The following CACNA2D1 variants were observed in gnomAD, a reference collection of about 807,000 sequenced individuals.
CACNA2D1 encodes voltage-dependent calcium channel subunit alpha-2/delta-1.
In CACNA2D1, 53 loss-of-function variants were observed where a neutral mutation model predicts 171.5. That is an observed-to-expected ratio of 0.31 (90% confidence interval 0.25 to 0.39). The LOEUF is 0.39. CACNA2D1 is among the 10% of genes least tolerant of loss of function. The pLI is 1.00. For synonymous variants in CACNA2D1, 442 were observed against 443.1 expected, an observed-to-expected ratio of 1.00 and a Z score of 0.03; for missense variants, 903 against 1,299.8, an observed-to-expected ratio of 0.69 and a Z score of 4.69.
rs574003388 is a variant in CACNA2D1 at position 82,147,033 on chromosome 7, C to A, written c.355-10357G>T. Among the ~76,000 whole-genome samples the A allele has an allele frequency of 4.7e-3, 414 of 87,906 alleles. 3 individuals carry two copies. Among genetic ancestry groups the A allele is most frequent in the Non-Finnish European group, 6.8e-3 (290 of 42,952 alleles). The allele number at this position is 87,906 out of a possible 152,430, so 57.7% of individuals were successfully genotyped here. On this transcript the variant is annotated intron_variant, in intron 4 of 38. Transcript: ENST00000356860. ...AAAAAAAAAGCAGCTATTAGAAATT[C>A]TAATAAAATAACAAGTACACACACA...
At chr7:82,118,768 T>C (rs1789376089) in intron 5 of CACNA2D1, among the ~76,000 whole-genome samples, 1 of 152,056 alleles carries the variant, frequency 6.6e-6, no homozygotes, top group Non-Finnish European at 1.5e-5. Flanking sequence ...TTTAAAATAA[T>C]AACGTACTTC....
At position 82,017,589 on chromosome 7, in the gene CACNA2D1, T is replaced by A. The variant is rs11975732; in HGVS notation, c.1144-3110A>T. Among the ~76,000 whole-genome samples, 555 of 151,482 alleles carry A rather than the reference T, an allele frequency of 3.7e-3. 5 individuals are homozygous for A. The highest frequency in any genetic ancestry group is 0.013 in the African/African-American group (529 of 41,068). On this transcript the variant is annotated intron_variant, in intron 12 of 38. Transcript: ENST00000356860. The stretch of plus-strand genomic sequence containing the variant: ...AGATGCTAAAGTCCACAGAGATGAT[T>A]GATACCCTGCTTCTTCAGATGTTTT...
chr7:82,162,948 C>T (rs1795095245), intron 4 of CACNA2D1, among the ~76,000 whole-genome samples: 1 of 152,020 alleles, frequency 6.6e-6, no homozygotes, highest in East Asian at 1.9e-4. Flanking sequence ...ACTGTAGTGT[C>T]AGCCCTTTAG....
chr7:82,285,235 C>T (rs571301306), intron 3 of CACNA2D1, among the ~76,000 whole-genome samples: 1 of 152,216 alleles, frequency 6.6e-6, no homozygotes. Flanking sequence ...GACTTCCTCG[C>T]TCTTGCATTC....
intron 3 of CACNA2D1, among the ~76,000 whole-genome samples, chr7:82,197,343 C>A (rs1798952331): frequency 6.6e-6 from 1 of 151,974 alleles, no homozygotes; most frequent in South Asian, 2.1e-4. Context: ...ATGTTTTAAG[C>A]ACTCCAGAAT....
rs1562981685 is a variant in CACNA2D1 at position 82,060,191 on chromosome 7, TATATATATATTATATATATA to T, written c.879+217_879+236del. ...ATATATATATATAATATATATATAT[TATATATATATTATATATATA>T]ATATATATATAATATATATATATAA... On this transcript the variant is annotated intron_variant, in intron 10 of 38. Coordinates refer to ENST00000356860, the MANE Select transcript of CACNA2D1 (RefSeq NM_000722.4). Among the ~76,000 whole-genome samples, 68 of 12,960 alleles carry T rather than the reference TATATATATATTATATATATA, an allele frequency of 5.2e-3. 11 individuals carry two copies. The highest frequency in any genetic ancestry group is 0.011 in the Admixed American group (5 of 446). 8.5% of individuals were successfully genotyped at this position (12,960 alleles called of 152,430 possible). A position where few individuals can be genotyped will look rare whatever the true frequency, so the allele number is the denominator to read the frequency against.
intron 4 of CACNA2D1, among the ~76,000 whole-genome samples, chr7:82,139,324 T>G (rs1358467551): frequency 6.6e-6 from 1 of 152,168 alleles, no homozygotes; most frequent in African/African-American, 2.4e-5. Flanking sequence ...ACAAGTATGA[T>G]TTTTTAAGTG....
chr7:82,234,825 T>C (rs533137616), intron 3 of CACNA2D1, among the ~76,000 whole-genome samples: 1 of 152,210 alleles, frequency 6.6e-6, no homozygotes, highest in African/African-American at 2.4e-5. Context: ...GTTACACATT[T>C]GAAGCAAGAT....
At chr7:82,273,200 C>A (rs549816346) in intron 3 of CACNA2D1, among the ~76,000 whole-genome samples, 1 of 152,016 alleles carries the variant, frequency 6.6e-6, no homozygotes, top group South Asian at 2.1e-4. Context: ...CTAAACAATT[C>A]CAGATGGATA....
intron 1 of CACNA2D1, among the ~76,000 whole-genome samples, chr7:82,431,305 A>G (rs1465358519): frequency 6.6e-6 from 1 of 152,206 alleles, no homozygotes; most frequent in African/African-American, 2.4e-5. Flanking sequence ...GTGATCTCTT[A>G]AAGGCAGAAA....
intron 3 of CACNA2D1, among the ~76,000 whole-genome samples, chr7:82,316,034 C>T (rs902441214): frequency 1.3e-5 from 2 of 151,262 alleles, no homozygotes; most frequent in African/African-American, 2.4e-5. Context: ...AACAAAAAAA[C>T]CTTCAAAAAT....
chr7:82,148,462 G>C (rs1283047085), intron 4 of CACNA2D1, among the ~76,000 whole-genome samples: 2 of 152,130 alleles, frequency 1.3e-5, no homozygotes, highest in Non-Finnish European at 2.9e-5. Context: ...CCAGTTATAG[G>C]TAGGAAACAG....
intron 2 of CACNA2D1, among the ~76,000 whole-genome samples, chr7:82,346,881 G>A (rs1306781331): frequency 6.6e-6 from 1 of 152,184 alleles, no homozygotes; most frequent in Non-Finnish European, 1.5e-5. Context: ...ATTAACATAT[G>A]TTCTAAAGCA....
chr7:82,223,171 G>A (rs10243627), intron 3 of CACNA2D1, among the ~76,000 whole-genome samples: 1 of 152,004 alleles, frequency 6.6e-6, no homozygotes, highest in South Asian at 2.1e-4. Flanking sequence ...CTCCCAAAGT[G>A]CTGGGATTAT....
chr7:82,437,247 G>C (rs1375195802), intron 1 of CACNA2D1, among the ~76,000 whole-genome samples: 1 of 152,084 alleles, frequency 6.6e-6, no homozygotes, highest in Admixed American at 6.5e-5. Flanking sequence ...GTATGAAAGA[G>C]AGAGAAACCA....
At position 82,060,199 on chromosome 7, in the gene CACNA2D1, TATTATATATATAATA is replaced by T. The variant is rs1562981870; in HGVS notation, c.879+214_879+228del. On this transcript the variant is annotated intron_variant, in intron 10 of 38. Coordinates refer to ENST00000356860, the MANE Select transcript of CACNA2D1 (RefSeq NM_000722.4). Reference sequence around the variant, plus strand: ...ATATAATATATATATATTATATATATATTATATATATAATATATATATAATATATATATATAATAT... The same window carrying T: ...ATATAATATATATATATTATATATATTATATATAATATATATATATAATAT... 3.5e-4 allele frequency among the ~76,000 whole-genome samples: 4 copies of T among 11,384 alleles called. No homozygotes were observed. The East Asian group carries it at 0.03, about 85-fold the overall frequency. 7.5% of individuals were successfully genotyped at this position (11,384 alleles called of 152,430 possible). A position where few individuals can be genotyped will look rare whatever the true frequency, so the allele number is the denominator to read the frequency against.
chr7:82,175,632 C>T (rs780274425), intron 3 of CACNA2D1, among the ~76,000 whole-genome samples: 1 of 152,014 alleles, frequency 6.6e-6, no homozygotes, highest in Non-Finnish European at 1.5e-5. Context: ...CCTACAGATA[C>T]AATCAATTAC....
At chr7:82,171,322 T>C (rs965038326) in intron 3 of CACNA2D1, among the ~76,000 whole-genome samples, 4 of 152,042 alleles carry the variant, frequency 2.6e-5, no homozygotes, top group African/African-American at 7.2e-5. Flanking sequence ...AACTTTTTTT[T>C]CCCCTATTCC....
intron 3 of CACNA2D1, among the ~76,000 whole-genome samples, chr7:82,172,640 T>TTTC (rs1491222972): frequency 0.012 from 931 of 77,240 alleles, 32 homozygotes; most frequent in African/African-American, 0.045. Context: ...TTTTTTTTTT[T>TTTC]GGTAAAGATG....
Sources: gnomAD v4.1 joint callset for allele counts (sites outside exome capture counted in the v4.1 genomes callset) on GRCh38, gnomAD v4.1.1 for gene constraint, MANE v1.5 for transcripts, NCBI Gene and HGNC (gene_info 2026-07-23, HGNC 2026-07-21) for gene names.